RANBP2: variants seen among roughly 807,000 people sequenced by gnomAD.
RANBP2 encodes E3 SUMO-protein ligase RanBP2.
RANBP2 carries 57 observed loss-of-function variants against 303.6 expected under a neutral mutation model. The observed-to-expected ratio is 0.19, with a 90% CI of 0.15 to 0.23. The LOEUF (loss-of-function observed/expected upper bound fraction) is 0.23, where lower values mean the gene tolerates loss of function less well. Ranked by LOEUF, RANBP2 falls within the 10% of genes least tolerant of loss-of-function variation. The pLI is 1.00. For missense variants in RANBP2, 3,138 were observed against 3,780.8 expected (o/e 0.83, Z 4.46); for synonymous variants, 1,167 against 1,301.5 (o/e 0.90, Z 2.23).
At chr2:109,221,143 A>T in the RANBP2 span, among the ~76,000 whole-genome samples, 1 of 152,246 alleles carries the variant, frequency 6.6e-6, no homozygotes, top group Non-Finnish European at 1.5e-5. Flanking sequence ...GAAATAAGTG[A>T]GGTGCATACA....
the RANBP2 span, among the ~76,000 whole-genome samples, chr2:108,932,386 G>A: frequency 8.0e-3 from 1,210 of 151,870 alleles, 9 homozygotes; most frequent in South Asian, 0.029. Context: ...AAAATTACCC[G>A]GGCATGGTGG....
At chr2:108,899,627 CAG>C in the RANBP2 span, among the ~76,000 whole-genome samples, 1 of 152,138 alleles carries the variant, frequency 6.6e-6, no homozygotes, top group African/African-American at 2.4e-5. Flanking sequence ...CTACTGTAAA[CAG>C]AGAAGGTAAA....
chr2:109,307,542 T>C, the RANBP2 span, among the ~76,000 whole-genome samples: 1 of 145,996 alleles, frequency 6.8e-6, no homozygotes, highest in Non-Finnish European at 1.5e-5. Flanking sequence ...CATCTAGCAT[T>C]AGGTATATCT....
the RANBP2 span, among the ~76,000 whole-genome samples, chr2:109,059,057 T>C: frequency 0.011 from 1,697 of 151,956 alleles, 34 homozygotes; most frequent in African/African-American, 0.038. Flanking sequence ...ACAGCTGGGA[T>C]AGGCTGACCT....
the RANBP2 span, among the ~76,000 whole-genome samples, chr2:108,806,534 A>G: frequency 6.6e-6 from 1 of 152,192 alleles, no homozygotes; most frequent in Non-Finnish European, 1.5e-5. Context: ...GTTAAGGACT[A>G]GATAGTAAGT....
chr2:109,520,615 A>G, the RANBP2 span, among the ~76,000 whole-genome samples: 7,526 of 93,594 alleles, frequency 0.08, 1,092 homozygotes, highest in African/African-American at 0.22. Flanking sequence ...AAAAAAAAAA[A>G]AAAAAAAAAG....
At chr2:109,365,875 A>G in the RANBP2 span, among the ~76,000 whole-genome samples, 1 of 152,212 alleles carries the variant, frequency 6.6e-6, no homozygotes, top group Non-Finnish European at 1.5e-5. Flanking sequence ...AACTTTCTTT[A>G]CAAAAGAAAA....
At chr2:108,887,564 T>C in the RANBP2 span, among the ~76,000 whole-genome samples, 1 of 152,182 alleles carries the variant, frequency 6.6e-6, no homozygotes, top group Admixed American at 6.5e-5. Context: ...CAGTGTTTTA[T>C]AGTTTTCCTT....
chr2:109,599,926 T>A, the RANBP2 span, among the ~76,000 whole-genome samples: 1 of 152,230 alleles, frequency 6.6e-6, no homozygotes, highest in Non-Finnish European at 1.5e-5. Flanking sequence ...TTACTAACAC[T>A]ACAACGAACT....
At chr2:108,929,668 G>A in the RANBP2 span, among the ~76,000 whole-genome samples, 3 of 152,268 alleles carry the variant, frequency 2.0e-5, no homozygotes, top group South Asian at 4.2e-4. Context: ...GGTAGCACTT[G>A]GCATCTGACT....
chr2:108,865,639 G>A, the RANBP2 span, among the ~76,000 whole-genome samples: 1 of 152,100 alleles, frequency 6.6e-6, no homozygotes, highest in Non-Finnish European at 1.5e-5. Flanking sequence ...ATAGTCCCTA[G>A]GCATCTAGAA....
chr2:108,809,702 T>A, the RANBP2 span, among the ~76,000 whole-genome samples: 1 of 152,206 alleles, frequency 6.6e-6, no homozygotes, highest in Non-Finnish European at 1.5e-5. Context: ...TTTACCAAAT[T>A]TATCAGTTCT....
the RANBP2 span, among the ~76,000 whole-genome samples, chr2:109,285,046 A>G: frequency 2.0e-5 from 3 of 152,200 alleles, no homozygotes; most frequent in African/African-American, 4.8e-5. Flanking sequence ...CCTCTGCTCC[A>G]TGGCCGGCCA....
chr2:109,076,113 C>T, the RANBP2 span, among the ~76,000 whole-genome samples: 1 of 150,318 alleles, frequency 6.7e-6, no homozygotes. Context: ...GGATTTATCC[C>T]TGGGATGCAG....
intron 20 of RANBP2, among the ~76,000 whole-genome samples, chr2:108,769,966 A>T (rs1180276367): frequency 6.6e-6 from 1 of 151,806 alleles, no homozygotes; most frequent in Non-Finnish European, 1.5e-5. Flanking sequence ...TTTTTTTTTT[A>T]AGTATACCAG....
At chr2:108,977,583 T>G in the RANBP2 span, among the ~76,000 whole-genome samples, 1 of 152,164 alleles carries the variant, frequency 6.6e-6, no homozygotes, top group Non-Finnish European at 1.5e-5. Flanking sequence ...AGCTCGCCTT[T>G]TTTGAGTGTT....
chr2:109,187,033 C>A, the RANBP2 span, among the ~76,000 whole-genome samples: 3 of 149,798 alleles, frequency 2.0e-5, 1 homozygote, highest in African/African-American at 7.3e-5. Flanking sequence ...TGGCACCCCA[C>A]CCCATAGGTG....
At chr2:108,941,888 C>T in the RANBP2 span, among the ~76,000 whole-genome samples, 1 of 152,016 alleles carries the variant, frequency 6.6e-6, no homozygotes, top group Non-Finnish European at 1.5e-5. Context: ...GAGGCCAGTG[C>T]CCGACAGCAG....
the RANBP2 span, chr2:109,794,583 G>GGA: frequency 1.0e-6 from 1 of 963,566 alleles, no homozygotes; most frequent in African/African-American, 1.8e-5. Flanking sequence ...ACCCGGCCGG[G>GGA]GGGCGGCGGC....
Sources: gnomAD v4.1 joint callset for allele counts (sites outside exome capture counted in the v4.1 genomes callset) on GRCh38, gnomAD v4.1.1 for gene constraint, MANE v1.5 for transcripts, NCBI Gene and HGNC (gene_info 2026-07-23, HGNC 2026-07-21) for gene names.